Variants in PER3 observed in about 807,000 individuals in gnomAD.
PER3 encodes period circadian regulator 3, also known as period circadian protein homolog 3.
In PER3, 107 loss-of-function variants were observed where a neutral mutation model predicts 127.2. That is an observed-to-expected ratio of 0.84 (90% CI 0.72 to 0.99). The LOEUF is 0.99. Among genes scored for constraint, PER3 ranks in the 50% least tolerant of loss-of-function variants. The probability of loss-of-function intolerance (pLI) is 0.00; values close to 1 mark genes in which losing one functional copy is unlikely to be tolerated. For synonymous variants in PER3, 618 were observed against 585.8 expected (o/e 1.05, Z -0.79); for missense variants, 1,560 against 1,525.8 (o/e 1.02, Z -0.37).
rs780177629 is a variant in PER3, at chr1:7,820,199, C to T, written c.1743C>T (p.Asp581=). 12 of 1,613,588 alleles carry T rather than the reference C, an allele frequency of 7.4e-6. No homozygotes were observed. Among genetic ancestry groups the T allele is most frequent in the Non-Finnish European group, 1.0e-5 (12 of 1,179,554 alleles). ...CAACTTCTTCCTCCTCAGAAGAAGA[C>T]AAACAGAACCACAAGGCAGATGATG... ...TNTTSSSSEE[D]KQNHKADDVQ... is the part of the protein sequence containing the mutation. Residue 581 remains aspartate (D), a synonymous_variant, in exon 15 of 22, where the codon GAC becomes GAT. Coordinates refer to ENST00000377532, the MANE Select transcript of PER3 (RefSeq NM_001377275.1).
chr1:7,788,453 C>G (rs2097102404), intron 5 of PER3: 1 of 567,720 alleles, frequency 1.8e-6, no homozygotes, highest in Non-Finnish European at 3.1e-6. Context: ...TTTGTCACAT[C>G]TGTTTCACAG....
chr1:7,829,126 C>T (rs2097316604), intron 18 of PER3, among the ~76,000 whole-genome samples: 1 of 152,190 alleles, frequency 6.6e-6, no homozygotes, highest in South Asian at 2.1e-4. Context: ...ACAGTAGTCT[C>T]CCTTACCCAG....
At position 7,844,499 on chromosome 1, in the gene PER3, T is replaced by G. The variant is rs1206136639; in HGVS notation, c.*1744T>G. 1.3e-5 allele frequency: 2 copies of G among 152,700 alleles called. No individual in the cohort carries two copies. Among genetic ancestry groups the G allele is most frequent in the Non-Finnish European group, 2.9e-5 (2 of 68,108 alleles). 9.5% of individuals were successfully genotyped at this position (152,700 alleles called of 1,614,324 possible). A position where few individuals can be genotyped will look rare whatever the true frequency, so the allele number is the denominator to read the frequency against. On this transcript the variant is annotated 3_prime_UTR_variant, in exon 22 of 22. Coordinates refer to ENST00000377532, the MANE Select transcript of PER3 (RefSeq NM_001377275.1). ...GTAATAAAGTTTTTGCCACTGTAAA[T>G]AAAAACAGTATCCGTAGCTATCAGG...
rs150285725 is a variant in PER3, at chr1:7,809,902, G to A, written c.1252G>A (p.Val418Met). 4.0e-5 allele frequency: 65 copies of A among 1,614,056 alleles called. No individual in the cohort carries two copies. Among genetic ancestry groups the A allele is most frequent in the African/African-American group, 2.9e-4 (22 of 75,052 alleles). The part of the protein sequence containing the change: ...IYKLLLQPVH[V>M]SVSSGYGSLG... ...CTCTTTGTCCTTCCAGCCAGTTCAC[G>A]TGAGCGTGTCCAGCGGCTACGGGAG... The change falls in exon 12 of 22, where the codon GTG becomes ATG. Residue 418 changes from valine to methionine, a missense_variant. Around this residue, in one of 3 missense-constraint regions of PER3, gnomAD observed 1,332 missense variants for 1,223.6 expected, o/e 1.09. Coordinates refer to ENST00000377532, the MANE Select transcript of PER3 (RefSeq NM_001377275.1).
chr1:7,804,062 A>G (rs2097182193), intron 10 of PER3: 1 of 406,828 alleles, frequency 2.5e-6, no homozygotes, highest in Non-Finnish European at 4.3e-6. Context: ...TCCATCATTA[A>G]GTAAACTCTG....
In PER3 at chr1:7,826,775, C is replaced by A; in HGVS notation, c.2188+65C>A. The A allele has an allele frequency of 3.1e-6, 3 of 964,454 alleles. No homozygotes were observed. The highest frequency in any genetic ancestry group is 2.8e-5 in the South Asian group (2 of 72,570). 59.7% of individuals were successfully genotyped at this position (964,454 alleles called of 1,614,324 possible). On this transcript the variant is annotated intron_variant, in intron 17 of 21. Transcript: ENST00000377532. The surrounding 1 kb of genome is among the most constrained non-coding windows in gnomAD (Gnocchi z 4.2). ...AAATGTTACAAACTGTATCTAAGGA[C>A]TAGGAGATAAGGAGTGAACAATAGG...
rs139071747 is a variant in PER3 at position 7,827,206 on chromosome 1, C to T, written c.2277C>T (p.Ser759=). The T allele has an allele frequency of 6.8e-6, 11 of 1,613,758 alleles. No homozygotes were observed. In the African/African-American group the frequency reaches 1.5e-4, roughly 22 times the overall value. ...RKKLPEPPDS[S]SSNTGSGPRR... Reference sequence around the variant, plus strand: ...AGCTGCCGGAGCCGCCAGACAGCAGCAGCTCGAACACCGGCTCTGGTCCCC... The same window carrying T: ...AGCTGCCGGAGCCGCCAGACAGCAGTAGCTCGAACACCGGCTCTGGTCCCC... Residue 759 remains serine (S), a synonymous_variant, in exon 18 of 22, where the codon AGC becomes AGT. Transcript: ENST00000377532.
Position 7,785,565 on chromosome 1 carries a change from C to T in PER3, c.253C>T (p.Arg85Cys), listed in dbSNP as rs374148482. The T allele has an allele frequency of 8.4e-5, 135 of 1,613,592 alleles. No homozygotes were observed. Among genetic ancestry groups the T allele is most frequent in the Admixed American group, 1.8e-4 (11 of 59,970 alleles). The change falls in exon 3 of 22, where the codon CGC (arginine) becomes TGC (cysteine). Residue 85 changes from arginine to cysteine, a missense_variant. Physicochemically the swap from Arg to Cys is radical, Grantham distance 180. Transcript: ENST00000377532. ...STLDALNYALRCVHSVQANSE... is the reference protein window; with the variant it reads ...STLDALNYALCCVHSVQANSE... The stretch of plus-strand genomic sequence containing the variant: ...TCTAGATGCCCTCAACTATGCTCTC[C>T]GCTGTGTCCACAGCGTTCAAGGTAA...
chr1:7,804,707 C>T (rs2097185617), intron 10 of PER3, among the ~76,000 whole-genome samples: 1 of 151,576 alleles, frequency 6.6e-6, no homozygotes, highest in Non-Finnish European at 1.5e-5. Context: ...CGGACTGTGT[C>T]CATTTTTTAA....
At chr1:7,838,999 C>T (rs1313523479) in intron 21 of PER3, among the ~76,000 whole-genome samples, 2 of 145,828 alleles carry the variant, frequency 1.4e-5, no homozygotes, top group Admixed American at 6.7e-5. Flanking sequence ...TTTCTATGTG[C>T]CATAAAGATT....
chr1:7,826,842 T>C lies in PER3; in HGVS notation c.2188+132T>C, dbSNP rs921363626. 1 of 646,120 alleles carries C rather than the reference T, an allele frequency of 1.5e-6. No individual in the cohort carries two copies. Among genetic ancestry groups the C allele is most frequent in the African/African-American group, 1.8e-5 (1 of 54,794 alleles). 40.0% of individuals were successfully genotyped at this position (646,120 alleles called of 1,614,324 possible). A position where few individuals can be genotyped will look rare whatever the true frequency, so the allele number is the denominator to read the frequency against. ...AACTGATGGAGAGATGCTGAAACAA[T>C]CTATTTACATCAACAGTTTATGTAA... On this transcript the variant is annotated intron_variant, in intron 17 of 21. Coordinates refer to ENST00000377532, the MANE Select transcript of PER3 (RefSeq NM_001377275.1). The surrounding 1 kb of genome is among the most constrained non-coding windows in gnomAD (Gnocchi z 4.2).
chr1:7,819,467 A>G (rs1293147693), intron 14 of PER3, 47 bp downstream of exon 14: 1 of 1,560,668 alleles, frequency 6.4e-7, no homozygotes, highest in South Asian at 1.1e-5. Flanking sequence ...TTCCGGAAGC[A>G]TACACTGCCA....
At chr1:7,804,331 A>G (rs1458179054) in intron 10 of PER3, among the ~76,000 whole-genome samples, 1 of 147,660 alleles carries the variant, frequency 6.8e-6, no homozygotes, top group African/African-American at 2.5e-5. Flanking sequence ...TTTTTTAAAG[A>G]TCTCTTTAGT....
intron 13 of PER3, among the ~76,000 whole-genome samples, chr1:7,813,741 G>A (rs76114366): frequency 0.015 from 2,218 of 152,268 alleles, 26 homozygotes; most frequent in Non-Finnish European, 0.022. Flanking sequence ...AGAAGGAAAG[G>A]CATGCCCAGT....
At chr1:7,813,560 A>G (rs141789633) in intron 13 of PER3, among the ~76,000 whole-genome samples, 183 of 152,284 alleles carry the variant, frequency 1.2e-3, no homozygotes, top group African/African-American at 4.3e-3. Flanking sequence ...GAAAGACCAA[A>G]AGCTGAAAGT....
chr1:7,837,134 A>G lies in PER3; in HGVS notation c.3534A>G (p.Gln1178=), dbSNP rs774487592. 24 of 1,613,292 alleles carry G rather than the reference A, an allele frequency of 1.5e-5. No individual in the cohort carries two copies. Among genetic ancestry groups the G allele is most frequent in the Middle Eastern group, 1.6e-4 (1 of 6,082 alleles). Residue 1178 remains glutamine (Q), a synonymous_variant, in exon 21 of 22, where the codon CAA becomes CAG. Transcript: ENST00000377532. Reference sequence around the variant, plus strand: ...GGATTCAAAGCCAGACTGTCACTCAAGAAATCGACATTCAAGTAAGCACAG... The same window carrying G: ...GGATTCAAAGCCAGACTGTCACTCAGGAAATCGACATTCAAGTAAGCACAG... ...YNWIQSQTVT[Q]EIDIQACVTC...
At position 7,819,267 on chromosome 1, in the gene PER3, C is replaced by G; in HGVS notation, c.1523-18C>G. ...ATGCTGGGTACTTTTAATTGCACAT[C>G]CCTTTATTCTGTTTCAGGTGAATGT... On this transcript the variant is annotated intron_variant, in intron 13 of 21. Coordinates refer to ENST00000377532, the MANE Select transcript of PER3 (RefSeq NM_001377275.1). 3 of 1,604,758 alleles carry G rather than the reference C, an allele frequency of 1.9e-6. No homozygotes were observed. The Admixed American group carries it at 5.1e-5, about 27-fold the overall frequency.
chr1:7,819,566 A>G (rs2097266332), intron 14 of PER3, 146 bp downstream of exon 14: 5 of 697,494 alleles, frequency 7.2e-6, no homozygotes, highest in African/African-American at 5.3e-5. Context: ...CCTAACACAT[A>G]CGCTGAACAT....
At chr1:7,804,087 T>G (rs1442331804) in intron 10 of PER3, 1 of 361,494 alleles carries the variant, frequency 2.8e-6, no homozygotes, top group Non-Finnish European at 4.9e-6. Flanking sequence ...ATTTGCTTGA[T>G]GTATTATTAT....
Sources: gnomAD v4.1 joint callset for allele counts (sites outside exome capture counted in the v4.1 genomes callset) on GRCh38, gnomAD v4.1.1 for gene constraint, gnomAD v4.1.1 regional missense constraint, Gnocchi (gnomAD v3.1) non-coding constraint, MANE v1.5 for transcripts, NCBI Gene and HGNC (gene_info 2026-07-23, HGNC 2026-07-21) for gene names.